The following COL9A1 variants were observed in gnomAD, a reference collection of about 807,000 sequenced individuals.
The protein encoded by COL9A1 is collagen alpha-1(IX) chain.
Under a neutral mutation model 142.6 loss-of-function variants are expected in COL9A1, and 104 were observed. The ratio of observed to expected loss-of-function variants is 0.73; its 90% CI spans 0.62 to 0.86. COL9A1 has a LOEUF of 0.86. Among genes scored for constraint, COL9A1 ranks in the 40% least tolerant of loss-of-function variants. The pLI is 0.00. For synonymous variants in COL9A1, 466 were observed against 396.0 expected (o/e 1.18, Z -2.10); for missense variants, 1,210 against 1,176.6 (o/e 1.03, Z -0.42).
chr6:70,216,692 T>C lies in COL9A1; in HGVS notation c.*205A>G. Reference sequence around the variant, plus strand: ...TAACTGATGACTCTGCTGTCTTCCCTCCAAGGGAAAGGAAAGAGAACTTAC... The same window carrying C: ...TAACTGATGACTCTGCTGTCTTCCCCCCAAGGGAAAGGAAAGAGAACTTAC... On this transcript the variant is annotated 3_prime_UTR_variant, in exon 38 of 38. Coordinates refer to ENST00000357250, the MANE Select transcript of COL9A1 (RefSeq NM_001851.6). The C allele has an allele frequency of 1.7e-6, 1 of 605,682 alleles. No homozygotes were observed. The highest frequency in any genetic ancestry group is 2.8e-5 in the Admixed American group (1 of 36,154). The allele number at this position is 605,682 out of a possible 1,614,324, so 37.5% of individuals were successfully genotyped here.
intron 28 of COL9A1, among the ~76,000 whole-genome samples, chr6:70,244,633 A>G (rs574383182): frequency 3.9e-5 from 6 of 152,344 alleles, no homozygotes; most frequent in Non-Finnish European, 8.8e-5. Flanking sequence ...TTCTAAATAA[A>G]TGAACCATTA....
chr6:70,274,213 A>G, intron 11 of COL9A1, 131 bp from the exon 12 acceptor site: 2 of 605,346 alleles, frequency 3.3e-6, no homozygotes, highest in Middle Eastern at 7.8e-4. Context: ...TCCAACTTTT[A>G]TTTTAAGTTC....
chr6:70,256,231 T>C (rs1468574302), intron 21 of COL9A1, among the ~76,000 whole-genome samples: 1 of 152,220 alleles, frequency 6.6e-6, no homozygotes, highest in Non-Finnish European at 1.5e-5. Flanking sequence ...ACTTTCTGTC[T>C]TTCCCATTGG....
At chr6:70,245,007 C>T (rs1204120603) in intron 28 of COL9A1, among the ~76,000 whole-genome samples, 1 of 152,230 alleles carries the variant, frequency 6.6e-6, no homozygotes, top group Non-Finnish European at 1.5e-5. Flanking sequence ...TCCCCTGTTA[C>T]TGCACAAATG....
intron 28 of COL9A1, among the ~76,000 whole-genome samples, chr6:70,246,564 C>T (rs141993861): frequency 1.8e-4 from 27 of 152,230 alleles, no homozygotes; most frequent in African/African-American, 5.3e-4. Flanking sequence ...GCCCCTTGCC[C>T]TCTGATTCTA....
At chr6:70,280,945 G>C (rs1241202533) in intron 9 of COL9A1, 59 bp downstream of exon 9, 10 of 1,612,620 alleles carry the variant, frequency 6.2e-6, no homozygotes, top group Non-Finnish European at 7.6e-6. Flanking sequence ...CAGAAACAGG[G>C]GGCTGCAAAA....
chr6:70,271,623 A>G, intron 14 of COL9A1, 32 bp downstream of exon 14: 1 of 1,605,400 alleles, frequency 6.2e-7, no homozygotes, highest in Non-Finnish European at 8.5e-7. Context: ...TTAAATCAGC[A>G]AACGTCTATC....
At chr6:70,222,931 A>G (rs1031172369) in intron 37 of COL9A1, 6 of 152,140 alleles carry the variant, frequency 3.9e-5, no homozygotes, top group African/African-American at 1.2e-4. Flanking sequence ...TCCTATTAAT[A>G]TTATGTTTTT....
chr6:70,284,799 C>G (rs73745370), intron 5 of COL9A1, among the ~76,000 whole-genome samples: 1,831 of 152,304 alleles, frequency 0.012, 28 homozygotes, highest in African/African-American at 0.042. Flanking sequence ...GGGTAAGCAT[C>G]CAGGTCCTAG....
At chr6:70,270,267 C>T (rs1354079138) in intron 15 of COL9A1, 47 bp downstream of exon 15, 2 of 1,575,600 alleles carry the variant, frequency 1.3e-6, no homozygotes, top group Admixed American at 3.3e-5. Context: ...TTTTTTTCAA[C>T]CCTGACTCTC....
chr6:70,255,632 C>T (rs1327119320), intron 21 of COL9A1, among the ~76,000 whole-genome samples: 2 of 152,124 alleles, frequency 1.3e-5, no homozygotes, highest in East Asian at 1.9e-4. Context: ...TGCACTATGC[C>T]TCTGTGTTCT....
At chr6:70,270,109 A>G (rs1772296256) in intron 15 of COL9A1, among the ~76,000 whole-genome samples, 3 of 152,344 alleles carry the variant, frequency 2.0e-5, no homozygotes, top group South Asian at 4.1e-4. Context: ...GATATACCCT[A>G]TAAAAACCAC....
chr6:70,234,702 G>T, intron 34 of COL9A1, 92 bp downstream of exon 34: 1 of 1,605,774 alleles, frequency 6.2e-7, no homozygotes, highest in East Asian at 2.2e-5. Context: ...GGATTTACAA[G>T]AGAACTTGTT....
chr6:70,234,939 G>A lies in COL9A1; in HGVS notation c.2114C>T (p.Ala705Val), dbSNP rs762955706. The A allele has an allele frequency of 1.2e-6, 2 of 1,614,096 alleles. No homozygotes were observed. The highest frequency in any genetic ancestry group is 1.7e-6 in the Non-Finnish European group (2 of 1,180,016). Reference sequence around the variant, plus strand: ...CAAGCCAGGTTCCCCAGGATTACCTGCCTGGAACACAATTGCACACTATCA... The same window carrying A: ...CAAGCCAGGTTCCCCAGGATTACCTACCTGGAACACAATTGCACACTATCA... ...DIGLPGPKGS[A>V]GNPGEPGLRG... The change falls in exon 34 of 38, where the codon GCA (alanine) becomes GTA (valine). Residue 705 changes from alanine (A) to valine (V), a missense_variant and splice_region_variant. Physicochemically the swap from Ala to Val is moderately conservative, Grantham distance 64 (BLOSUM62 0). Coordinates refer to ENST00000357250, the MANE Select transcript of COL9A1 (RefSeq NM_001851.6).
At chr6:70,235,391 T>G (rs1375186366) in intron 33 of COL9A1, among the ~76,000 whole-genome samples, 1 of 152,102 alleles carries the variant, frequency 6.6e-6, no homozygotes, top group Non-Finnish European at 1.5e-5. Flanking sequence ...AGGTGGAGGT[T>G]GCAGTAAGCG....
intron 6 of COL9A1, among the ~76,000 whole-genome samples, chr6:70,283,460 A>T (rs1773302841): frequency 6.6e-6 from 1 of 152,134 alleles, no homozygotes; most frequent in African/African-American, 2.4e-5. Context: ...GACATGTTTG[A>T]GAGTAAGGGA....
rs529851659 is a variant in COL9A1 at position 70,303,074 on chromosome 6, A to G, written c.-150T>C. 359 of 822,940 alleles carry G rather than the reference A, an allele frequency of 4.4e-4. 3 individuals are homozygous for G. The South Asian group carries it at 4.8e-3, about 11-fold the overall frequency. 51.0% of individuals were successfully genotyped at this position (822,940 alleles called of 1,614,324 possible). A position where few individuals can be genotyped will look rare whatever the true frequency, so the allele number is the denominator to read the frequency against. ...TCCCTCCTGCCCCCGGTGAGGGCTA[A>G]AAGCAAAGGGAGAGAACCAGAGGCA... On this transcript the variant is annotated 5_prime_UTR_variant, in exon 1 of 38. Coordinates refer to ENST00000357250, the MANE Select transcript of COL9A1 (RefSeq NM_001851.6).
chr6:70,243,873 C>T (rs1770428522), intron 28 of COL9A1, among the ~76,000 whole-genome samples: 1 of 152,142 alleles, frequency 6.6e-6, no homozygotes, highest in Admixed American at 6.5e-5. Context: ...TGAACACTGA[C>T]ATTATTGGAT....
At chr6:70,241,485 G>C (rs745413453) in intron 30 of COL9A1, 31 bp from the exon 31 acceptor site, 5 of 1,587,180 alleles carry the variant, frequency 3.2e-6, no homozygotes, top group Non-Finnish European at 4.3e-6. Flanking sequence ...TACTTTTTCA[G>C]TATTTTCAAC....
Sources: gnomAD v4.1 joint callset for allele counts (sites outside exome capture counted in the v4.1 genomes callset) on GRCh38, gnomAD v4.1.1 for gene constraint, MANE v1.5 for transcripts, NCBI Gene and HGNC (gene_info 2026-07-23, HGNC 2026-07-21) for gene names.